PDCD6IP: variants seen among roughly 807,000 people sequenced by gnomAD.
PDCD6IP encodes the protein programmed cell death 6-interacting protein.
PDCD6IP carries 43 observed loss-of-function variants against 103.7 expected under a neutral mutation model. The observed-to-expected ratio is 0.41, with a 90% CI of 0.32 to 0.53. PDCD6IP has a LOEUF of 0.53. Among genes scored for constraint, PDCD6IP ranks in the 20% least tolerant of loss-of-function variants. The probability of loss-of-function intolerance (pLI) is 0.16; values close to 1 mark genes in which losing one functional copy is unlikely to be tolerated. For synonymous variants in PDCD6IP, 354 were observed against 378.7 expected (o/e 0.93, Z 0.76); for missense variants, 871 against 1,036.7 (o/e 0.84, Z 2.20).
chr3:33,826,412 T>G lies in PDCD6IP; in HGVS notation c.617-68T>G, dbSNP rs532247608. 4 of 1,066,464 alleles carry G rather than the reference T, an allele frequency of 3.8e-6. No individual in the cohort carries two copies. In the East Asian group the frequency reaches 1.0e-4, roughly 27 times the overall value. The allele number at this position is 1,066,464 out of a possible 1,614,324, so 66.1% of individuals were successfully genotyped here. ...TGCGTGTACAAACTTGTGACCTCAG[T>G]GTTTATACTGAGACATGTCAGATTA... is the stretch of plus-strand genomic sequence containing the variant. On this transcript the variant is annotated intron_variant, in intron 5 of 17. Transcript: ENST00000307296.
chr3:33,853,416 A>T (rs530963596), intron 13 of PDCD6IP, among the ~76,000 whole-genome samples: 34 of 152,214 alleles, frequency 2.2e-4, no homozygotes, highest in African/African-American at 7.5e-4. Flanking sequence ...GTCATTTTTT[A>T]AAAAAATAAT....
intron 1 of PDCD6IP, 129 bp downstream of exon 1, chr3:33,799,066 T>C (rs1696405946): frequency 1.1e-6 from 1 of 891,520 alleles, no homozygotes; most frequent in South Asian, 1.8e-5. Context: ...ACCAGGCGCG[T>C]AGGTGTGGTC....
intron 7 of PDCD6IP, among the ~76,000 whole-genome samples, chr3:33,830,633 TG>T (rs1288184516): frequency 5.3e-5 from 8 of 152,120 alleles, no homozygotes; most frequent in African/African-American, 1.9e-4. Flanking sequence ...TCCAGCTACT[TG>T]GGAGGTTGAG....
intron 1 of PDCD6IP, among the ~76,000 whole-genome samples, chr3:33,806,037 G>A (rs1696590061): frequency 6.6e-6 from 1 of 152,088 alleles, no homozygotes; most frequent in Non-Finnish European, 1.5e-5. Context: ...GTGCCACCGT[G>A]CCCAGCCTAA....
intron 7 of PDCD6IP, among the ~76,000 whole-genome samples, chr3:33,831,431 G>C (rs1697242620): frequency 1.3e-5 from 2 of 152,178 alleles, no homozygotes; most frequent in Admixed American, 1.3e-4. Flanking sequence ...GATGTGTTTA[G>C]GGATGAGGGC....
At chr3:33,850,993 G>T (rs1036108971) in intron 12 of PDCD6IP, among the ~76,000 whole-genome samples, 2 of 151,602 alleles carry the variant, frequency 1.3e-5, no homozygotes, top group African/African-American at 4.9e-5. Context: ...TAGGAGATAT[G>T]GATGTAAACA....
chr3:33,854,987 G>T, intron 14 of PDCD6IP, 179 bp from the exon 15 acceptor site: 2 of 378,294 alleles, frequency 5.3e-6, no homozygotes, highest in South Asian at 7.6e-5. Flanking sequence ...ATTTTCTTTA[G>T]GAGTCTTAGA....
chr3:33,858,502 A>G (rs1183751528), intron 15 of PDCD6IP, among the ~76,000 whole-genome samples: 2 of 152,256 alleles, frequency 1.3e-5, no homozygotes, highest in Non-Finnish European at 2.9e-5. Context: ...TCTAATAACA[A>G]ACATAAATAA....
At chr3:33,826,963 C>T in intron 6 of PDCD6IP, 1 of 995,144 alleles carries the variant, frequency 1.0e-6, no homozygotes, top group Non-Finnish European at 1.2e-6. Context: ...GTCCTGTTTT[C>T]TTAAAGATGA....
intron 3 of PDCD6IP, among the ~76,000 whole-genome samples, chr3:33,817,490 G>A (rs1261666007): frequency 2.0e-5 from 3 of 152,028 alleles, no homozygotes; most frequent in South Asian, 4.2e-4. Flanking sequence ...GTGGTGGCTC[G>A]TGCCTGTAAT....
chr3:33,854,116 C>G (rs754593759), intron 14 of PDCD6IP, 103 bp downstream of exon 14: 8 of 1,330,856 alleles, frequency 6.0e-6, no homozygotes, highest in African/African-American at 3.1e-5. Flanking sequence ...TGCTCTTTGC[C>G]TAGAATTTTA....
chr3:33,826,074 A>G (rs931167481), intron 5 of PDCD6IP, among the ~76,000 whole-genome samples: 2 of 152,158 alleles, frequency 1.3e-5, no homozygotes, highest in African/African-American at 4.8e-5. Context: ...ATAAGAGATA[A>G]GTCATCATGT....
intron 7 of PDCD6IP, 83 bp downstream of exon 7, chr3:33,829,052 A>C: frequency 8.4e-7 from 1 of 1,194,536 alleles, no homozygotes; most frequent in South Asian, 1.9e-5. Flanking sequence ...GTTTGCCCAT[A>C]AAAACCTTTC....
chr3:33,855,044 A>G (rs1575942226), intron 14 of PDCD6IP, 122 bp from the exon 15 acceptor site: 2 of 598,380 alleles, frequency 3.3e-6, no homozygotes, highest in Non-Finnish European at 6.1e-6. Flanking sequence ...GTATAAATGT[A>G]TCTCATGCAG....
intron 17 of PDCD6IP, among the ~76,000 whole-genome samples, chr3:33,865,865 G>T (rs1371781529): frequency 1.3e-5 from 2 of 152,122 alleles, no homozygotes. Flanking sequence ...GTTAATCTCT[G>T]TGGTAATTTC....
At chr3:33,848,584 T>C (rs1697646353) in intron 12 of PDCD6IP, among the ~76,000 whole-genome samples, 1 of 152,128 alleles carries the variant, frequency 6.6e-6, no homozygotes, top group African/African-American at 2.4e-5. Flanking sequence ...TTTGTATTTT[T>C]AGTAGAGACG....
At chr3:33,831,291 C>T (rs1697239342) in intron 7 of PDCD6IP, among the ~76,000 whole-genome samples, 1 of 151,536 alleles carries the variant, frequency 6.6e-6, no homozygotes, top group African/African-American at 2.4e-5. Context: ...GACTACATGT[C>T]AAAGATTTAT....
At chr3:33,843,163 T>C (rs1160934366) in intron 10 of PDCD6IP, among the ~76,000 whole-genome samples, 3 of 152,198 alleles carry the variant, frequency 2.0e-5, no homozygotes, top group Non-Finnish European at 4.4e-5. Context: ...TTTTCTTTTT[T>C]CTTTAGAGCC....
intron 13 of PDCD6IP, among the ~76,000 whole-genome samples, 186 bp downstream of exon 13, chr3:33,852,922 C>CTTTTTTTTTT (rs1349679229): frequency 7.4e-6 from 1 of 134,642 alleles, no homozygotes. Flanking sequence ...AACAAAGTCA[C>CTTTTTTTTTT]TTCTTTTTTT....
Sources: allele counts gnomAD v4.1 joint callset (sites outside exome capture counted in the v4.1 genomes callset), GRCh38; gene constraint gnomAD v4.1.1; transcripts MANE v1.5; gene names NCBI Gene and HGNC (gene_info 2026-07-23, HGNC 2026-07-21).